Variants in MYBL2 observed in about 807,000 individuals in gnomAD.
MYBL2 encodes myb-related protein B.
A neutral mutation model predicts 79.9 loss-of-function variants in MYBL2; 28 were observed. The observed-to-expected ratio is 0.35, with a 90% CI of 0.26 to 0.48. The LOEUF (loss-of-function observed/expected upper bound fraction) is 0.48, where lower values mean the gene tolerates loss of function less well. Among genes scored for constraint, MYBL2 ranks in the 20% least tolerant of loss-of-function variants. MYBL2 has a pLI of 0.99. For synonymous variants in MYBL2, 378 were observed against 361.2 expected, an observed-to-expected ratio of 1.05 and a Z score of -0.53; for missense variants, 735 against 893.9, an observed-to-expected ratio of 0.82 and a Z score of 2.27.
intron 1 of MYBL2, among the ~76,000 whole-genome samples, chr20:43,668,112 C>G (rs1986765753): frequency 1.3e-5 from 2 of 151,518 alleles, no homozygotes; most frequent in Non-Finnish European, 1.5e-5. Context: ...CCAAGCTTTT[C>G]AGCCTGCCTG....
At chr20:43,695,696 A>ATT (rs1235690530) in intron 6 of MYBL2, among the ~76,000 whole-genome samples, 1 of 151,980 alleles carries the variant, frequency 6.6e-6, no homozygotes, top group African/African-American at 2.4e-5. Context: ...CAAAAAAAAA[A>ATT]AAAAGCTGGT....
intron 10 of MYBL2, among the ~76,000 whole-genome samples, chr20:43,710,285 G>C (rs1026226513): frequency 1.3e-5 from 2 of 152,188 alleles, no homozygotes; most frequent in Middle Eastern, 3.2e-3. Flanking sequence ...GCGCCGGCTG[G>C]TGCTAGAGAC....
intron 2 of MYBL2, among the ~76,000 whole-genome samples, chr20:43,681,198 G>T (rs556813609): frequency 6.6e-6 from 1 of 152,128 alleles, no homozygotes; most frequent in Non-Finnish European, 1.5e-5. Context: ...CCAGCTTCTA[G>T]TGCTGAATCA....
intron 6 of MYBL2, 117 bp downstream of exon 6, chr20:43,692,436 C>G: frequency 3.8e-6 from 5 of 1,313,796 alleles, no homozygotes; most frequent in Non-Finnish European, 5.2e-6. Context: ...TAAAAGTGGG[C>G]TCTGTGCTTC....
At chr20:43,715,067 G>T in intron 12 of MYBL2, 67 bp from the exon 13 acceptor site, 1 of 1,588,866 alleles carries the variant, frequency 6.3e-7, no homozygotes, top group South Asian at 1.1e-5. Context: ...GTGGGATTGC[G>T]GGTTTTTTTC....
chr20:43,697,898 G>C (rs1186162101), intron 6 of MYBL2, among the ~76,000 whole-genome samples: 1 of 146,864 alleles, frequency 6.8e-6, no homozygotes, highest in Non-Finnish European at 1.5e-5. Context: ...CTGGGCAACA[G>C]AGTGAGACTC....
chr20:43,702,843 CTGTAACAG>C lies in MYBL2; in HGVS notation c.1306_1313del (p.Cys436ProfsTer9). On this transcript the variant is annotated frameshift_variant, in exon 8 of 14. Transcript: ENST00000217026. LOFTEE classifies it high-confidence loss of function. Reference sequence around the variant, plus strand: ...GCACCAGTCTGTCCTTCCTGGATTCCTGTAACAGCCTCACGCCCAAGAGCACACCTGTT... The same window carrying C: ...GCACCAGTCTGTCCTTCCTGGATTCCCCTCACGCCCAAGAGCACACCTGTT... 6.2e-7 allele frequency: 1 copy of C among 1,612,796 alleles called. No homozygotes were observed. Among genetic ancestry groups the C allele is most frequent in the South Asian group, 1.1e-5 (1 of 91,048 alleles).
intron 5 of MYBL2, among the ~76,000 whole-genome samples, chr20:43,690,737 G>A (rs765837740): frequency 6.6e-6 from 1 of 151,924 alleles, no homozygotes; most frequent in African/African-American, 2.4e-5. Flanking sequence ...TGACTACTAT[G>A]TGTCAGCACA....
At chr20:43,667,575 C>T (rs981978409) in intron 1 of MYBL2, among the ~76,000 whole-genome samples, 1 of 152,110 alleles carries the variant, frequency 6.6e-6, no homozygotes, top group African/African-American at 2.4e-5. Context: ...CGGGCCAAGC[C>T]GTGCATGATG....
intron 11 of MYBL2, among the ~76,000 whole-genome samples, chr20:43,712,324 G>A (rs1987926175): frequency 6.6e-6 from 1 of 152,210 alleles, no homozygotes; most frequent in Non-Finnish European, 1.5e-5. Flanking sequence ...AAGGAGGGGA[G>A]GTGGGCGGTC....
intron 5 of MYBL2, among the ~76,000 whole-genome samples, chr20:43,689,066 C>T (rs1987346441): frequency 6.6e-6 from 1 of 152,206 alleles, no homozygotes; most frequent in African/African-American, 2.4e-5. Context: ...GCTGAGATTA[C>T]AGGTGTGAGC....
At chr20:43,713,576 G>A (rs377371858) in intron 12 of MYBL2, among the ~76,000 whole-genome samples, 3 of 151,996 alleles carry the variant, frequency 2.0e-5, no homozygotes, top group Non-Finnish European at 2.9e-5. Context: ...TAGTAGAGAC[G>A]GGGTTTCTCC....
At chr20:43,670,230 G>T (rs1986824893) in intron 1 of MYBL2, among the ~76,000 whole-genome samples, 1 of 152,232 alleles carries the variant, frequency 6.6e-6, no homozygotes, top group Non-Finnish European at 1.5e-5. Flanking sequence ...GCTGGATGCT[G>T]GAGAAGCAAA....
chr20:43,682,072 T>C (rs965092990), intron 3 of MYBL2, among the ~76,000 whole-genome samples: 9 of 152,266 alleles, frequency 5.9e-5, no homozygotes, highest in African/African-American at 2.2e-4. Flanking sequence ...CTCCTCAGCA[T>C]GCCTGGTGGT....
chr20:43,713,171 G>C, intron 12 of MYBL2, 65 bp downstream of exon 12: 3 of 1,366,582 alleles, frequency 2.2e-6, no homozygotes, highest in Admixed American at 2.0e-5. Flanking sequence ...AGTTAGTGTA[G>C]TGACTCTCCA....
Position 43,673,918 on chromosome 20 carries a change from A to T in MYBL2, c.114+19A>T. ...TGAGGAGGTGAGTGCCATGGGGAAG[A>T]GAGGGTTGATGGCAGCTGGGGGCTG... On this transcript the variant is annotated intron_variant, in intron 2 of 13. Transcript: ENST00000217026. The T allele has an allele frequency of 6.5e-7, 1 of 1,548,586 alleles. No homozygotes were observed. The highest frequency in any genetic ancestry group is 1.2e-5 in the South Asian group (1 of 84,012).
chr20:43,686,719 C>T, intron 4 of MYBL2, 133 bp from the exon 5 acceptor site: 2 of 845,856 alleles, frequency 2.4e-6, no homozygotes, highest in Non-Finnish European at 3.7e-6. Context: ...CTGCAGCTCG[C>T]TCAGTGTTGC....
chr20:43,678,307 TAAATAAAGAAAG>T (rs1411827321), intron 2 of MYBL2, among the ~76,000 whole-genome samples: 1 of 11,170 alleles, frequency 9.0e-5, no homozygotes, highest in African/African-American at 1.3e-4. Context: ...AATAAAAAAA[TAAATAAAGAAAG>T]AAAGAAAGAA....
intron 1 of MYBL2, among the ~76,000 whole-genome samples, chr20:43,670,785 C>A (rs1236758453): frequency 6.6e-6 from 1 of 152,116 alleles, no homozygotes; most frequent in Non-Finnish European, 1.5e-5. Flanking sequence ...TGTTTCATTT[C>A]CAAACAAGAC....
Sources: gnomAD v4.1 joint callset for allele counts (sites outside exome capture counted in the v4.1 genomes callset) on GRCh38, gnomAD v4.1.1 for gene constraint, MANE v1.5 for transcripts, NCBI Gene and HGNC (gene_info 2026-07-23, HGNC 2026-07-21) for gene names.